Variants in NEK6 observed in about 807,000 individuals in gnomAD.
NEK6 encodes the protein serine/threonine-protein kinase Nek6.
In NEK6, 27 loss-of-function variants were observed where a neutral mutation model predicts 43.5. The ratio of observed to expected loss-of-function variants is 0.62; its 90% CI spans 0.46 to 0.86. NEK6 has a LOEUF of 0.86. Ranked by LOEUF, NEK6 falls within the 40% of genes least tolerant of loss-of-function variation. The probability of loss-of-function intolerance (pLI) is 0.00; values close to 1 mark genes in which losing one functional copy is unlikely to be tolerated. For missense variants in NEK6, 318 were observed against 414.4 expected (o/e 0.77, Z 2.02); for synonymous variants, 167 against 164.1 (o/e 1.02, Z -0.14).
chr9:124,271,960 C>A (rs906068026), intron 1 of NEK6, among the ~76,000 whole-genome samples: 2 of 152,282 alleles, frequency 1.3e-5, no homozygotes, highest in African/African-American at 4.8e-5. Flanking sequence ...CCACACCCAC[C>A]TTGTGCTCCC....
chr9:124,322,187 C>G (rs907211707), intron 5 of NEK6, among the ~76,000 whole-genome samples: 10 of 152,178 alleles, frequency 6.6e-5, no homozygotes, highest in African/African-American at 4.8e-5. Flanking sequence ...AAGATGCTCT[C>G]CCCAGCCCTA....
intron 6 of NEK6, among the ~76,000 whole-genome samples, chr9:124,327,078 A>G (rs1367285087): frequency 6.6e-6 from 1 of 152,200 alleles, no homozygotes; most frequent in East Asian, 1.9e-4. Context: ...AGCAGGAAAC[A>G]GGAGCACAGA....
chr9:124,344,752 A>AGGG (rs1010993949), intron 8 of NEK6, among the ~76,000 whole-genome samples: 1 of 152,154 alleles, frequency 6.6e-6, no homozygotes, highest in Non-Finnish European at 1.5e-5. Flanking sequence ...GGATCCTCAT[A>AGGG]GGGGGCCTCC....
rs1431994432 is a variant in NEK6 at position 124,324,162 on chromosome 9, A to T, written c.406-2168A>T. On this transcript the variant is annotated intron_variant, in intron 5 of 9. Coordinates refer to ENST00000320246, the MANE Select transcript of NEK6 (RefSeq NM_014397.6). The surrounding 1 kb of genome is among the most constrained non-coding windows in gnomAD (Gnocchi z 5.3). The stretch of plus-strand genomic sequence containing the variant: ...GTGCAGAGACCCACTCGAGTAAGAC[A>T]CGTCCCCTGGATGGCCTCAGGCGGG... Among the ~76,000 whole-genome samples the T allele has an allele frequency of 6.6e-6, 1 of 152,198 alleles. No homozygotes were observed. The highest frequency in any genetic ancestry group is 1.5e-5 in the Non-Finnish European group (1 of 68,030).
chr9:124,305,084 A>G (rs10739647), intron 2 of NEK6, among the ~76,000 whole-genome samples: 85,004 of 152,052 alleles, frequency 0.56, 23,957 homozygotes, highest in East Asian at 0.72. Flanking sequence ...TTGCAAAGCC[A>G]GTTGGGATGT....
intron 3 of NEK6, among the ~76,000 whole-genome samples, chr9:124,313,560 G>A (rs1833656181): frequency 6.6e-6 from 1 of 152,100 alleles, no homozygotes; most frequent in Admixed American, 6.5e-5. Flanking sequence ...TAGAGACGGG[G>A]TTTCACCATG....
intron 2 of NEK6, among the ~76,000 whole-genome samples, chr9:124,311,863 T>C (rs1355418940): frequency 4.6e-5 from 7 of 152,218 alleles, no homozygotes; most frequent in Non-Finnish European, 7.3e-5. Context: ...CTAATTTTTA[T>C]ATTTTTAGTG....
chr9:124,274,891 G>C (rs957513017), intron 1 of NEK6, among the ~76,000 whole-genome samples: 3 of 152,194 alleles, frequency 2.0e-5, no homozygotes, highest in African/African-American at 7.2e-5. Flanking sequence ...GGCTGCCCGA[G>C]ATGCCATGTT....
chr9:124,315,957 G>A (rs1297224281), intron 4 of NEK6, among the ~76,000 whole-genome samples: 2 of 152,348 alleles, frequency 1.3e-5, no homozygotes, highest in Non-Finnish European at 2.9e-5. Context: ...CAGTGAGGAA[G>A]CATGTCTGAC....
rs941786890 is a variant in NEK6, at chr9:124,258,175, G to T, written c.-30+90G>T. The T allele has an allele frequency of 1.6e-4, 160 of 975,472 alleles. No individual in the cohort carries two copies. In the African/African-American group the frequency reaches 2.7e-3, roughly 17 times the overall value. The allele number at this position is 975,472 out of a possible 1,614,324, so 60.4% of individuals were successfully genotyped here. A position where few individuals can be genotyped will look rare whatever the true frequency, so the allele number is the denominator to read the frequency against. On this transcript the variant is annotated intron_variant, in intron 1 of 9. Transcript: ENST00000320246. ...GGCGGCGGGGCCGTCACCCCCAGCC[G>T]GGCCGAGGGCGGGCGCGCGCCCACG...
intron 1 of NEK6, chr9:124,261,520 C>T: frequency 1.0e-6 from 1 of 985,448 alleles, no homozygotes; most frequent in Non-Finnish European, 1.2e-6. Flanking sequence ...GTTCTGGCCC[C>T]CTGATGTCAC....
At chr9:124,337,701 C>T (rs1829364025) in intron 7 of NEK6, among the ~76,000 whole-genome samples, 1 of 152,252 alleles carries the variant, frequency 6.6e-6, no homozygotes, top group Non-Finnish European at 1.5e-5. Flanking sequence ...CAAAGCCACT[C>T]TGCACATTCT....
intron 1 of NEK6, among the ~76,000 whole-genome samples, chr9:124,260,712 T>C (rs937005622): frequency 3.3e-5 from 5 of 152,220 alleles, no homozygotes; most frequent in African/African-American, 1.2e-4. Context: ...TGTCCCCATT[T>C]ACTGAGGATA....
chr9:124,331,980 C>T (rs974058873), intron 7 of NEK6, among the ~76,000 whole-genome samples: 5 of 152,190 alleles, frequency 3.3e-5, no homozygotes, highest in Non-Finnish European at 7.4e-5. Flanking sequence ...GAGTTTCAGC[C>T]GAGGTTCTGA....
intron 1 of NEK6, among the ~76,000 whole-genome samples, chr9:124,294,117 G>C (rs904430068): frequency 2.6e-5 from 4 of 152,232 alleles, no homozygotes; most frequent in African/African-American, 9.6e-5. Context: ...TGTAATCCCA[G>C]CACCTTGAGA....
chr9:124,286,690 G>A (rs1056106558), intron 1 of NEK6, among the ~76,000 whole-genome samples: 5 of 152,230 alleles, frequency 3.3e-5, no homozygotes, highest in South Asian at 2.1e-4. Flanking sequence ...AGGCCCGGGG[G>A]CCAGTTGTGT....
intron 1 of NEK6, among the ~76,000 whole-genome samples, chr9:124,274,159 C>T (rs561213666): frequency 6.6e-6 from 1 of 152,364 alleles, no homozygotes; most frequent in Non-Finnish European, 1.5e-5. Context: ...ATGGATGCTT[C>T]CTTGGGTGGT....
At chr9:124,308,747 C>T (rs1002584213) in intron 2 of NEK6, among the ~76,000 whole-genome samples, 2 of 150,920 alleles carry the variant, frequency 1.3e-5, no homozygotes, top group South Asian at 2.1e-4. Flanking sequence ...CCACCCTGGG[C>T]GCACTGTTCT....
chr9:124,293,719 A>G (rs1169155823), intron 1 of NEK6, among the ~76,000 whole-genome samples: 2 of 152,146 alleles, frequency 1.3e-5, no homozygotes, highest in African/African-American at 4.8e-5. Flanking sequence ...CTAGTCAGAG[A>G]TTCATTCTGC....
Sources: gnomAD v4.1 joint callset for allele counts (sites outside exome capture counted in the v4.1 genomes callset) on GRCh38, gnomAD v4.1.1 for gene constraint, Gnocchi (gnomAD v3.1) non-coding constraint, MANE v1.5 for transcripts, NCBI Gene and HGNC (gene_info 2026-07-23, HGNC 2026-07-21) for gene names.